UHRF2: variants seen among roughly 807,000 people sequenced by gnomAD.
UHRF2 encodes E3 ubiquitin-protein ligase UHRF2.
UHRF2 carries 23 observed loss-of-function variants against 96.8 expected under a neutral mutation model. The ratio of observed to expected loss-of-function variants is 0.24; its 90% CI spans 0.17 to 0.34. The LOEUF (loss-of-function observed/expected upper bound fraction) is 0.34, where lower values mean the gene tolerates loss of function less well. Ranked by LOEUF, UHRF2 falls within the 10% of genes least tolerant of loss-of-function variation. The pLI is 1.00. For synonymous variants in UHRF2, 385 were observed against 332.6 expected (o/e 1.16, Z -1.72); for missense variants, 685 against 981.5 (o/e 0.70, Z 4.04).
At position 6,477,853 on chromosome 9, in the gene UHRF2, C is replaced by G. The variant is rs1366516122; in HGVS notation, c.1160+45C>G. ...GTTGTTGTTGTTCTTGCTGTGTAAA[C>G]ATGAAATATGTATTTGAACCACCAA... On this transcript the variant is annotated intron_variant, in intron 6 of 15. Coordinates refer to ENST00000276893, the MANE Select transcript of UHRF2 (RefSeq NM_152896.3). 3.4e-6 allele frequency: 5 copies of G among 1,482,892 alleles called. 1 individual carries two copies. Among genetic ancestry groups the G allele is most frequent in the Middle Eastern group, 3.7e-4 (2 of 5,460 alleles). 91.9% of individuals were successfully genotyped at this position (1,482,892 alleles called of 1,614,324 possible).
chr9:6,414,353 G>C (rs977800551), intron 1 of UHRF2, among the ~76,000 whole-genome samples: 2 of 152,204 alleles, frequency 1.3e-5, no homozygotes, highest in African/African-American at 4.8e-5. Context: ...TATTCCCGAA[G>C]TGAAAAGGAG....
chr9:6,450,318 T>A (rs1230448833), intron 3 of UHRF2, among the ~76,000 whole-genome samples: 1 of 116,158 alleles, frequency 8.6e-6, no homozygotes, highest in Non-Finnish European at 1.7e-5. Flanking sequence ...CCCCCCCCAT[T>A]TATTTAAATA....
intron 3 of UHRF2, chr9:6,449,703 A>T (rs1405105254): frequency 6.6e-6 from 1 of 152,272 alleles, no homozygotes; most frequent in South Asian, 2.1e-4. Flanking sequence ...CTCTGTGCCT[A>T]AACTGTTTTT....
intron 9 of UHRF2, among the ~76,000 whole-genome samples, chr9:6,491,196 G>C (rs1824636152): frequency 6.6e-6 from 1 of 152,226 alleles, no homozygotes; most frequent in South Asian, 2.1e-4. Flanking sequence ...AGTTTGCTCA[G>C]TGTTCAGGAG....
At chr9:6,421,277 A>G in intron 2 of UHRF2, 135 bp downstream of exon 2, 1 of 708,318 alleles carries the variant, frequency 1.4e-6, no homozygotes, top group East Asian at 2.7e-5. Context: ...AACTTTTAAA[A>G]GTAGTCTTTT....
At position 6,475,295 on chromosome 9, in the gene UHRF2, A is replaced by G. The variant is rs577273210; in HGVS notation, c.864-96A>G. 9.7e-6 allele frequency: 6 copies of G among 618,964 alleles called. No individual in the cohort carries two copies. In the South Asian group the frequency reaches 2.3e-4, roughly 24 times the overall value. 38.3% of individuals were successfully genotyped at this position (618,964 alleles called of 1,614,324 possible). A position where few individuals can be genotyped will look rare whatever the true frequency, so the allele number is the denominator to read the frequency against. ...CTCTAATCTCAATTTATAAATAGAC[A>G]GATTTCAGTGAGATTCCAAACTGGC... On this transcript the variant is annotated intron_variant, in intron 4 of 15. Transcript: ENST00000276893.
chr9:6,451,124 G>T (rs1430732896), intron 3 of UHRF2, among the ~76,000 whole-genome samples: 3 of 152,254 alleles, frequency 2.0e-5, no homozygotes, highest in African/African-American at 7.2e-5. Flanking sequence ...ACTCACGGTA[G>T]TTTCAGACTA....
chr9:6,449,050 A>G (rs1821694473), intron 3 of UHRF2, among the ~76,000 whole-genome samples: 1 of 152,154 alleles, frequency 6.6e-6, no homozygotes, highest in African/African-American at 2.4e-5. Context: ...GCACCACTGT[A>G]TTATTTTGAA....
chr9:6,418,816 G>T (rs986359969), intron 1 of UHRF2, among the ~76,000 whole-genome samples: 2 of 152,158 alleles, frequency 1.3e-5, no homozygotes, highest in Admixed American at 6.5e-5. Flanking sequence ...ACCAAAACCT[G>T]GGTGGCTTAA....
chr9:6,495,947 G>A (rs986479414), intron 10 of UHRF2: 1 of 151,628 alleles, frequency 6.6e-6, no homozygotes, highest in African/African-American at 2.4e-5. Context: ...TAGAGTTGAT[G>A]GCTGTGTTTT....
At chr9:6,485,384 G>A (rs1462097187) in intron 8 of UHRF2, among the ~76,000 whole-genome samples, 2 of 151,702 alleles carry the variant, frequency 1.3e-5, no homozygotes, top group African/African-American at 2.4e-5. Flanking sequence ...TCCTTATATA[G>A]TCTAAGATGA....
At chr9:6,452,012 T>G (rs756785057) in intron 3 of UHRF2, among the ~76,000 whole-genome samples, 23 of 152,182 alleles carry the variant, frequency 1.5e-4, no homozygotes, top group Admixed American at 7.9e-4. Flanking sequence ...TACCCATATC[T>G]AGTGTATATA....
intron 4 of UHRF2, among the ~76,000 whole-genome samples, chr9:6,463,094 C>T (rs1332108026): frequency 1.3e-5 from 2 of 152,022 alleles, no homozygotes; most frequent in Admixed American, 6.6e-5. Flanking sequence ...CCAGTCTGAC[C>T]AACTAGTGAA....
intron 2 of UHRF2, among the ~76,000 whole-genome samples, chr9:6,428,470 G>A (rs1322407974): frequency 6.9e-6 from 1 of 144,232 alleles, no homozygotes; most frequent in Non-Finnish European, 1.5e-5. Flanking sequence ...ACTTATTTAT[G>A]CAACCCTAAT....
At chr9:6,476,628 CT>C (rs1200298129) in intron 5 of UHRF2, among the ~76,000 whole-genome samples, 5 of 151,968 alleles carry the variant, frequency 3.3e-5, no homozygotes, top group African/African-American at 7.3e-5. Context: ...CAGTTTTGCT[CT>C]TGTTGCCCAG....
At chr9:6,487,171 AT>A (rs1199671296) in intron 9 of UHRF2, among the ~76,000 whole-genome samples, 4 of 83,844 alleles carry the variant, frequency 4.8e-5, no homozygotes, top group South Asian at 3.7e-4. Context: ...TAGAGCTTTT[AT>A]TTTTTTTTCC....
chr9:6,423,043 A>T (rs962598274), intron 2 of UHRF2: 10 of 172,212 alleles, frequency 5.8e-5, no homozygotes, highest in African/African-American at 2.4e-4. Flanking sequence ...ATCAGTTGCG[A>T]TAAATGGGCA....
At chr9:6,502,053 A>G (rs961391253) in intron 14 of UHRF2, among the ~76,000 whole-genome samples, 1 of 152,218 alleles carries the variant, frequency 6.6e-6, no homozygotes, top group African/African-American at 2.4e-5. Flanking sequence ...ATTGCCCTGG[A>G]CAAGTTTCAT....
chr9:6,469,080 A>C (rs1020275162), intron 4 of UHRF2, among the ~76,000 whole-genome samples: 1 of 152,250 alleles, frequency 6.6e-6, no homozygotes, highest in African/African-American at 2.4e-5. Flanking sequence ...TGATAATTCA[A>C]GTTATCAGAG....
Sources: allele counts gnomAD v4.1 joint callset (sites outside exome capture counted in the v4.1 genomes callset), GRCh38; gene constraint gnomAD v4.1.1; transcripts MANE v1.5; gene names NCBI Gene and HGNC (gene_info 2026-07-23, HGNC 2026-07-21).